Variants in AGPAT3 observed in about 807,000 individuals in gnomAD.
The protein encoded by AGPAT3 is 1-acyl-sn-glycerol-3-phosphate acyltransferase gamma.
AGPAT3 carries 5 observed loss-of-function variants against 47.3 expected under a neutral mutation model. The ratio of observed to expected loss-of-function variants is 0.11; its 90% CI spans 0.06 to 0.22. The LOEUF (loss-of-function observed/expected upper bound fraction) is 0.22. Among genes scored for constraint, AGPAT3 ranks in the 10% least tolerant of loss-of-function variants. The pLI is 1.00. For synonymous variants in AGPAT3, 212 were observed against 208.3 expected (o/e 1.02, Z -0.15); for missense variants, 315 against 493.0 (o/e 0.64, Z 3.42).
chr21:43,986,684 C>T lies in AGPAT3; in HGVS notation c.*4292C>T, dbSNP rs999664151. ...ACTGTAACTGTAAAGGAAAATCTCT[C>T]TCTCTGGAGAACCCACACAAACCAT... On this transcript the variant is annotated 3_prime_UTR_variant, in exon 10 of 10. Coordinates refer to ENST00000291572, the MANE Select transcript of AGPAT3 (RefSeq NM_020132.5). 3 of 152,580 alleles carry T rather than the reference C, an allele frequency of 2.0e-5. No individual in the cohort carries two copies. Among genetic ancestry groups the T allele is most frequent in the Admixed American group, 6.5e-5 (1 of 15,286 alleles). The allele number at this position is 152,580 out of a possible 1,614,324, so 9.5% of individuals were successfully genotyped here. A position where few individuals can be genotyped will look rare whatever the true frequency, so the allele number is the denominator to read the frequency against.
intron 2 of AGPAT3, among the ~76,000 whole-genome samples, chr21:43,926,788 C>T (rs1450032723): frequency 1.3e-5 from 2 of 151,084 alleles, no homozygotes; most frequent in African/African-American, 4.9e-5. Context: ...GGCAAAACCC[C>T]GTCTCTACTA....
In AGPAT3 at chr21:43,950,498, T is replaced by C. The variant is rs574388495; in HGVS notation, c.-48-9136T>C. 2.0e-5 allele frequency among the ~76,000 whole-genome samples: 3 copies of C among 152,366 alleles called. No homozygotes were observed. In the East Asian group the frequency reaches 5.8e-4, roughly 29 times the overall value. On this transcript the variant is annotated intron_variant, in intron 2 of 9. Coordinates refer to ENST00000291572, the MANE Select transcript of AGPAT3 (RefSeq NM_020132.5). Reference sequence around the variant, plus strand: ...GTGTTTGTTTCATCTAAAATTTTAGTTGAATGCTTAGTAGTATCTTCGCTG... The same window carrying C: ...GTGTTTGTTTCATCTAAAATTTTAGCTGAATGCTTAGTAGTATCTTCGCTG...
At position 43,898,024 on chromosome 21, in the gene AGPAT3, A is replaced by G. The variant is rs373761176; in HGVS notation, c.-111-5933A>G. On this transcript the variant is annotated intron_variant, in intron 1 of 9. Coordinates refer to ENST00000291572, the MANE Select transcript of AGPAT3 (RefSeq NM_020132.5). ...CGCGCGCCTGCAATCCCAGGCACTCAGCAGGCTGAGGCAGGAGAATCAGGC... is the reference window on the plus strand; with the variant it reads ...CGCGCGCCTGCAATCCCAGGCACTCGGCAGGCTGAGGCAGGAGAATCAGGC... Among the ~76,000 whole-genome samples the G allele has an allele frequency of 1.1e-3, 172 of 152,278 alleles. 3 individuals carry two copies. The East Asian group carries it at 0.031, about 27-fold the overall frequency.
intron 2 of AGPAT3, chr21:43,916,540 A>AC (rs893841078): frequency 2.3e-5 from 3 of 131,164 alleles, no homozygotes; most frequent in African/African-American, 3.1e-5. Context: ...AAGATATTGA[A>AC]CCCTTTTTTT....
chr21:43,873,293 G>A (rs563862726), intron 1 of AGPAT3, among the ~76,000 whole-genome samples: 8 of 152,316 alleles, frequency 5.3e-5, no homozygotes, highest in South Asian at 4.1e-4. Flanking sequence ...CCTCCAGGCC[G>A]CAACATGTGT....
At chr21:43,956,664 G>A (rs981990700) in intron 2 of AGPAT3, among the ~76,000 whole-genome samples, 7 of 152,196 alleles carry the variant, frequency 4.6e-5, no homozygotes, top group African/African-American at 1.2e-4. Flanking sequence ...ATTCAGGAGC[G>A]ACTTAGCTGG....
In AGPAT3 at chr21:43,905,147, TA is replaced by T. The variant is rs1487194313; in HGVS notation, c.-49+1136del. 3.4e-5 allele frequency among the ~76,000 whole-genome samples: 5 copies of T among 147,168 alleles called. No individual in the cohort carries two copies. In the South Asian group the frequency reaches 1.1e-3, roughly 32 times the overall value. ...TGACTGTATTTAGTGTCTCTTTTTT[TA>T]AAAAAAATATTTATTTATTTATTTA... On this transcript the variant is annotated intron_variant, in intron 2 of 9. Transcript: ENST00000291572.
rs915910177 is a variant in AGPAT3, at chr21:43,939,365, G to A, written c.-48-20269G>A. ...CGCGCCCCAGGAGGTTTCCCAGGGC[G>A]ATGCTCTGGTCCCTGGGTCCTTTGA... On this transcript the variant is annotated intron_variant, in intron 2 of 9. Transcript: ENST00000291572. The surrounding 1 kb of genome is among the most constrained non-coding windows in gnomAD (Gnocchi z 4.4). Among the ~76,000 whole-genome samples the A allele has an allele frequency of 2.0e-5, 3 of 152,178 alleles. No individual in the cohort carries two copies. The highest frequency in any genetic ancestry group is 7.2e-5 in the African/African-American group (3 of 41,438).
intron 2 of AGPAT3, among the ~76,000 whole-genome samples, chr21:43,943,700 GGGC>G (rs1418335458): frequency 6.6e-6 from 1 of 152,208 alleles, no homozygotes; most frequent in African/African-American, 2.4e-5. Context: ...CGGAGGAAGG[GGGC>G]TGCAGCTGCA....
intron 2 of AGPAT3, among the ~76,000 whole-genome samples, chr21:43,926,960 C>T (rs189328142): frequency 1.6e-5 from 2 of 125,728 alleles, no homozygotes; most frequent in Admixed American, 2.1e-4. Flanking sequence ...GTCTAGGCGA[C>T]AGAGGAAGAC....
rs954862653 is a variant in AGPAT3 at position 43,981,579 on chromosome 21, C to T, written c.1042+392C>T. On this transcript the variant is annotated intron_variant, in intron 9 of 9. Transcript: ENST00000291572. The surrounding 1 kb of genome is among the most constrained non-coding windows in gnomAD (Gnocchi z 5.3). ...TCATCATTCAGCTCCTCCCCATTGA[C>T]CCCCAGTGACTTCCCCACTGTGTGC... Among the ~76,000 whole-genome samples, 1 of 152,154 alleles carries T rather than the reference C, an allele frequency of 6.6e-6. No individual in the cohort carries two copies. Among genetic ancestry groups the T allele is most frequent in the African/African-American group, 2.4e-5 (1 of 41,426 alleles).
intron 1 of AGPAT3, among the ~76,000 whole-genome samples, chr21:43,873,677 C>T (rs1424063488): frequency 6.6e-6 from 1 of 152,180 alleles, no homozygotes; most frequent in African/African-American, 2.4e-5. Flanking sequence ...TGCGCCCAGC[C>T]CAAGTTGTCA....
chr21:43,914,398 T>C (rs1183742537), intron 2 of AGPAT3, among the ~76,000 whole-genome samples: 1 of 152,210 alleles, frequency 6.6e-6, no homozygotes, highest in African/African-American at 2.4e-5. Flanking sequence ...TCTTATAGGA[T>C]TTGTAGAATT....
At chr21:43,909,085 T>C (rs999654573) in intron 2 of AGPAT3, among the ~76,000 whole-genome samples, 3 of 152,208 alleles carry the variant, frequency 2.0e-5, no homozygotes, top group African/African-American at 7.2e-5. Context: ...TTTTTCTTTG[T>C]ACAACAAACA....
intron 1 of AGPAT3, among the ~76,000 whole-genome samples, chr21:43,897,422 C>G (rs868748037): frequency 6.6e-6 from 1 of 151,958 alleles, no homozygotes; most frequent in Non-Finnish European, 1.5e-5. Flanking sequence ...CTTTTCTATT[C>G]GACAAAACCG....
chr21:43,901,506 G>T (rs926966229), intron 1 of AGPAT3, among the ~76,000 whole-genome samples: 5 of 151,772 alleles, frequency 3.3e-5, no homozygotes, highest in African/African-American at 1.2e-4. Flanking sequence ...CCTAGGGCCG[G>T]GCGTCATGGC....
chr21:43,900,908 G>A (rs536181276), intron 1 of AGPAT3, among the ~76,000 whole-genome samples: 9 of 152,276 alleles, frequency 5.9e-5, no homozygotes, highest in South Asian at 2.1e-4. Flanking sequence ...CAAACCCAGC[G>A]TCCAGTGCCA....
At chr21:43,897,435 G>A (rs925600032) in intron 1 of AGPAT3, among the ~76,000 whole-genome samples, 10 of 151,860 alleles carry the variant, frequency 6.6e-5, no homozygotes, top group Admixed American at 2.0e-4. Flanking sequence ...CAAAACCGCC[G>A]TCATCATCAT....
intron 1 of AGPAT3, chr21:43,867,468 A>T (rs1289484096): frequency 1.3e-5 from 2 of 152,300 alleles, no homozygotes; most frequent in Non-Finnish European, 2.9e-5. Context: ...GCCCAATCAC[A>T]TTTACCCTGT....
Sources: allele counts gnomAD v4.1 joint callset (sites outside exome capture counted in the v4.1 genomes callset), GRCh38; gene constraint gnomAD v4.1.1; non-coding constraint Gnocchi (gnomAD v3.1); transcripts MANE v1.5; gene names NCBI Gene and HGNC (gene_info 2026-07-23, HGNC 2026-07-21).